The following CUL3 variants were observed in gnomAD, a reference collection of about 807,000 sequenced individuals.
CUL3 encodes the protein cullin-3.
A neutral mutation model predicts 89.1 loss-of-function variants in CUL3; 19 were observed. That is an observed-to-expected ratio of 0.21 (90% confidence interval 0.15 to 0.31). The LOEUF (loss-of-function observed/expected upper bound fraction) is 0.31. CUL3 is among the 10% of genes least tolerant of loss of function. CUL3 has a pLI of 1.00. For synonymous variants in CUL3, 351 were observed against 308.4 expected (o/e 1.14, Z -1.45); for missense variants, 469 against 942.3 (o/e 0.50, Z 6.58).
intron 2 of CUL3, among the ~76,000 whole-genome samples, chr2:224,547,639 C>G (rs1350238324): frequency 6.6e-6 from 1 of 151,974 alleles, no homozygotes; most frequent in Non-Finnish European, 1.5e-5. Context: ...TCTCTGTGGG[C>G]CTCTGAAATG....
rs561379094 is a variant in CUL3, at chr2:224,471,026, C to T, written c.*3219G>A. Reference sequence around the variant, plus strand: ...TATGACAACTAAATGAATGAATATACATAAAATATTCAGAATAGTATCTGG... The same window carrying T: ...TATGACAACTAAATGAATGAATATATATAAAATATTCAGAATAGTATCTGG... On this transcript the variant is annotated 3_prime_UTR_variant, in exon 16 of 16. Transcript: ENST00000264414. The T allele has an allele frequency of 4.4e-6, 1 of 226,748 alleles. No homozygotes were observed. Among genetic ancestry groups the T allele is most frequent in the African/African-American group, 2.2e-5 (1 of 45,128 alleles). The allele number at this position is 226,748 out of a possible 1,614,324, so 14.0% of individuals were successfully genotyped here. A position where few individuals can be genotyped will look rare whatever the true frequency, so the allele number is the denominator to read the frequency against.
rs758182990 is a variant in CUL3 at position 224,506,126 on chromosome 2, A to G, written c.1036T>C (p.Leu346=). 19 of 1,575,676 alleles carry G rather than the reference A, an allele frequency of 1.2e-5. No homozygotes were observed. Among genetic ancestry groups the G allele is most frequent in the Admixed American group, 3.8e-5 (2 of 53,322 alleles). The change falls in exon 8 of 16, where the codon TTG becomes CTG. Residue 346 remains leucine (L), a synonymous_variant. Transcript: ENST00000264414. Reference sequence around the variant, plus strand: ...CGATCGAACCTACTCTTCAGATCCAATAAGCCCTTAGAAATAAAAACAAAA... The same window carrying G: ...CGATCGAACCTACTCTTCAGATCCAGTAAGCCCTTAGAAATAAAAACAAAA... ...KNPVDYIQGL[L]DLKSRFDRFL...
chr2:224,540,448 GAAGA>G (rs1384292240), intron 2 of CUL3, among the ~76,000 whole-genome samples: 2 of 151,336 alleles, frequency 1.3e-5, no homozygotes, highest in African/African-American at 2.4e-5. Context: ...GAAGGAGGAA[GAAGA>G]AAGAAAGAAG....
intron 3 of CUL3, among the ~76,000 whole-genome samples, chr2:224,530,528 G>A (rs778274328): frequency 6.6e-5 from 10 of 152,154 alleles, no homozygotes; most frequent in African/African-American, 1.4e-4. Flanking sequence ...ATGAGGTATC[G>A]GTTAGAGAGG....
At chr2:224,535,287 C>T (rs1693849093) in intron 3 of CUL3, among the ~76,000 whole-genome samples, 1 of 152,172 alleles carries the variant, frequency 6.6e-6, no homozygotes, top group Admixed American at 6.5e-5. Flanking sequence ...GATTCTCCTG[C>T]CTCAGCCTCC....
At chr2:224,499,399 G>A (rs1481695772) in intron 11 of CUL3, 1 of 240,110 alleles carries the variant, frequency 4.2e-6, no homozygotes, top group Non-Finnish European at 9.3e-6. Context: ...TGAAGAATTT[G>A]TACAGTGCCT....
chr2:224,512,686 T>C (rs1292456398), intron 5 of CUL3, among the ~76,000 whole-genome samples: 1 of 152,184 alleles, frequency 6.6e-6, no homozygotes, highest in East Asian at 1.9e-4. Flanking sequence ...TAGGCAAATA[T>C]GCACTACAGA....
intron 1 of CUL3, among the ~76,000 whole-genome samples, chr2:224,582,524 A>G (rs553786779): frequency 6.6e-6 from 1 of 152,362 alleles, no homozygotes; most frequent in Non-Finnish European, 1.5e-5. Flanking sequence ...ACAGTAATGA[A>G]AAATTCTTTT....
intron 8 of CUL3, among the ~76,000 whole-genome samples, chr2:224,505,383 C>A (rs1469155932): frequency 1.3e-5 from 2 of 152,092 alleles, no homozygotes; most frequent in South Asian, 4.1e-4. Flanking sequence ...GTGGTCTGCC[C>A]ACCTCGGCCT....
chr2:224,578,408 T>G (rs913900501), intron 1 of CUL3, among the ~76,000 whole-genome samples: 3 of 152,182 alleles, frequency 2.0e-5, no homozygotes, highest in Non-Finnish European at 4.4e-5. Context: ...GAAATTAAAA[T>G]TCCAAAAACA....
Position 224,548,986 on chromosome 2 carries a change from A to C in CUL3, c.264+8673T>G, listed in dbSNP as rs111277591. Among the ~76,000 whole-genome samples the C allele has an allele frequency of 9.6e-3, 1,464 of 151,888 alleles. 17 individuals are homozygous for C. The highest frequency in any genetic ancestry group is 0.016 in the Non-Finnish European group (1,100 of 67,938). On this transcript the variant is annotated intron_variant, in intron 2 of 15. Transcript: ENST00000264414. Reference sequence around the variant, plus strand: ...CAACGTACTCCAGCCTGGGAAACACAATAAGGCCTGGTCTCCAAAAAACAA... The same window carrying C: ...CAACGTACTCCAGCCTGGGAAACACCATAAGGCCTGGTCTCCAAAAAACAA...
intron 13 of CUL3, among the ~76,000 whole-genome samples, chr2:224,490,784 G>C (rs1188737114): frequency 6.6e-6 from 1 of 150,496 alleles, no homozygotes; most frequent in Admixed American, 6.6e-5. Context: ...ACTCCCTTTT[G>C]TTCAAATGAG....
rs1467280236 is a variant in CUL3 at position 224,497,196 on chromosome 2, A to G, written c.1707+557T>C. 2.0e-5 allele frequency among the ~76,000 whole-genome samples: 3 copies of G among 152,284 alleles called. No individual in the cohort carries two copies. In the East Asian group the frequency reaches 5.8e-4, roughly 29 times the overall value. ...ACTTAATATTTTCTGAAGGCAAAAA[A>G]TCCTGATTCATATCAAGTAATGAAA... is the stretch of plus-strand genomic sequence containing the variant. On this transcript the variant is annotated intron_variant, in intron 12 of 15. Transcript: ENST00000264414.
intron 7 of CUL3, 139 bp from the exon 8 acceptor site, chr2:224,506,271 T>A (rs769906264): frequency 1.2e-4 from 70 of 591,100 alleles, no homozygotes; most frequent in Non-Finnish European, 1.2e-4. Context: ...TTTGATATTA[T>A]TTTCAAGCCT....
At position 224,502,953 on chromosome 2, in the gene CUL3, G is replaced by T. The variant is rs755937189; in HGVS notation, c.1485+12C>A. The T allele has an allele frequency of 6.3e-7, 1 of 1,582,936 alleles. No individual in the cohort carries two copies. Among genetic ancestry groups the T allele is most frequent in the Non-Finnish European group, 8.7e-7 (1 of 1,152,824 alleles). ...CATGAATATCTAAGTAGAAATTAACGCAGAATCTTACACCAGTTGCCTGTA... is the reference window on the plus strand; with the variant it reads ...CATGAATATCTAAGTAGAAATTAACTCAGAATCTTACACCAGTTGCCTGTA... On this transcript the variant is annotated intron_variant, in intron 10 of 15. Transcript: ENST00000264414.
Position 224,473,286 on chromosome 2 carries a change from G to A in CUL3, c.*959C>T, listed in dbSNP as rs1297546205. ...ACAGCTTCACCAAAATATATATTTA[G>A]GGGCAGGGAGGACCTAGGGTATTTA... On this transcript the variant is annotated 3_prime_UTR_variant, in exon 16 of 16. Transcript: ENST00000264414. 5.2e-6 allele frequency: 1 copy of A among 191,436 alleles called. No homozygotes were observed. Among genetic ancestry groups the A allele is most frequent in the Non-Finnish European group, 1.1e-5 (1 of 91,096 alleles). The allele number at this position is 191,436 out of a possible 1,614,324, so 11.9% of individuals were successfully genotyped here. A position where few individuals can be genotyped will look rare whatever the true frequency, so the allele number is the denominator to read the frequency against.
chr2:224,536,183 A>C (rs966259862), intron 2 of CUL3, among the ~76,000 whole-genome samples: 7 of 152,204 alleles, frequency 4.6e-5, no homozygotes, highest in Admixed American at 6.5e-5. Flanking sequence ...TAACGCTAGC[A>C]ATACACTTAA....
intron 1 of CUL3, among the ~76,000 whole-genome samples, chr2:224,567,003 A>G (rs1695056862): frequency 6.6e-6 from 1 of 152,030 alleles, no homozygotes; most frequent in Non-Finnish European, 1.5e-5. Flanking sequence ...GCAATTCAAC[A>G]ATTTCTTGTA....
chr2:224,581,045 ATATT>A (rs1027021195), intron 1 of CUL3, among the ~76,000 whole-genome samples: 1 of 152,216 alleles, frequency 6.6e-6, no homozygotes, highest in Non-Finnish European at 1.5e-5. Context: ...ACTATATTAC[ATATT>A]TTACATTTGC....
Sources: gnomAD v4.1 joint callset for allele counts (sites outside exome capture counted in the v4.1 genomes callset) on GRCh38, gnomAD v4.1.1 for gene constraint, MANE v1.5 for transcripts, NCBI Gene and HGNC (gene_info 2026-07-23, HGNC 2026-07-21) for gene names.